Variants in TNFRSF8 observed in about 807,000 individuals in gnomAD.
The protein encoded by TNFRSF8 is TNF receptor superfamily member 8.
TNFRSF8 carries 26 observed loss-of-function variants against 70.8 expected under a neutral mutation model. The observed-to-expected ratio is 0.37, with a 90% CI of 0.27 to 0.51. TNFRSF8 has a LOEUF of 0.51. TNFRSF8 is among the 20% of genes least tolerant of loss of function. The pLI is 0.94. For missense variants in TNFRSF8, 720 were observed against 807.9 expected (o/e 0.89, Z 1.32); for synonymous variants, 356 against 339.2 (o/e 1.05, Z -0.54).
chr1:12,105,093 G>T (rs1641497112), intron 4 of TNFRSF8, among the ~76,000 whole-genome samples: 2 of 152,204 alleles, frequency 1.3e-5, no homozygotes, highest in South Asian at 4.1e-4. Flanking sequence ...ACCTGTCTGG[G>T]TGGAGTTGGG....
At chr1:12,104,665 C>T (rs1234328728) in intron 4 of TNFRSF8, 134 bp downstream of exon 4, 24 of 1,153,198 alleles carry the variant, frequency 2.1e-5, no homozygotes, top group South Asian at 7.3e-5. Context: ...TCTCCTTTGG[C>T]GATGGGCCAG....
chr1:12,084,607 A>G, intron 2 of TNFRSF8, 56 bp downstream of exon 2: 1 of 1,501,952 alleles, frequency 6.7e-7, no homozygotes, highest in Non-Finnish European at 9.2e-7. Flanking sequence ...TCAATTGATG[A>G]CCCTCTTGGG....
chr1:12,116,591 A>G (rs2101015533), intron 8 of TNFRSF8, among the ~76,000 whole-genome samples: 1 of 152,202 alleles, frequency 6.6e-6, no homozygotes, highest in East Asian at 1.9e-4. Flanking sequence ...ACTTGAGGTC[A>G]GGAGTTCAAG....
rs763071557 is a variant in TNFRSF8, at chr1:12,086,872, C to T, written c.151+2321C>T. 7.2e-4 allele frequency among the ~76,000 whole-genome samples: 110 copies of T among 151,960 alleles called. 2 individuals are homozygous for T. The highest frequency in any genetic ancestry group is 1.6e-4 in the Non-Finnish European group (11 of 67,982). On this transcript the variant is annotated intron_variant, in intron 2 of 14. Transcript: ENST00000263932. ...CCCCATCCTTATGACCTCATTTAACCTTAATTATCTCCTAAAAGTCCTATC... is the reference window on the plus strand; with the variant it reads ...CCCCATCCTTATGACCTCATTTAACTTTAATTATCTCCTAAAAGTCCTATC...
intron 13 of TNFRSF8, among the ~76,000 whole-genome samples, chr1:12,136,494 CA>C (rs1358855386): frequency 6.6e-6 from 1 of 151,938 alleles, no homozygotes; most frequent in Non-Finnish European, 1.5e-5. Flanking sequence ...ACTAAAACTA[CA>C]AAAAGTATCC....
At chr1:12,080,522 AC>A (rs1641046189) in intron 1 of TNFRSF8, 2 of 476,082 alleles carry the variant, frequency 4.2e-6, no homozygotes, top group South Asian at 3.2e-5. Context: ...TCTCCTGGGA[AC>A]GCTCTTTCGA....
Position 12,123,794 on chromosome 1 carries a change from C to A in TNFRSF8, c.1120C>A (p.Leu374Ile). ...LPIPTSAPVA[L>I]SSTGKPVLDA... is the part of the protein sequence containing the mutation. ...CATCCCAACCAGCGCTCCCGTCGCTCTCTCCTCCACGGGGAAGCCCGTTCT... is the reference window on the plus strand; with the variant it reads ...CATCCCAACCAGCGCTCCCGTCGCTATCTCCTCCACGGGGAAGCCCGTTCT... The change falls in exon 10 of 15, where the codon CTC becomes ATC. Residue 374 changes from leucine (L) to isoleucine (I), a missense_variant. Physicochemically the swap from Leu to Ile is conservative, Grantham distance 5 (BLOSUM62 2). Coordinates refer to ENST00000263932, the MANE Select transcript of TNFRSF8 (RefSeq NM_001243.5). 1 of 1,575,530 alleles carries A rather than the reference C, an allele frequency of 6.3e-7. No homozygotes were observed. Among genetic ancestry groups the A allele is most frequent in the Non-Finnish European group, 8.6e-7 (1 of 1,160,028 alleles).
rs749553825 is a variant in TNFRSF8, at chr1:12,126,173, G to A, written c.1256-10G>A. ...CGCCACCCCCAGCCTTCCTCCTGGT[G>A]TCGTTTCAGAGCTCCACCTGTGCTA... On this transcript the variant is annotated splice_polypyrimidine_tract_variant and intron_variant, in intron 11 of 14. Transcript: ENST00000263932. The A allele has an allele frequency of 1.9e-6, 3 of 1,614,130 alleles. No homozygotes were observed. Among genetic ancestry groups the A allele is most frequent in the South Asian group, 2.2e-5 (2 of 91,074 alleles).
Position 12,112,014 on chromosome 1 carries a change from G to A in TNFRSF8, c.793G>A (p.Asp265Asn), listed in dbSNP as rs756915626. 1.2e-6 allele frequency: 2 copies of A among 1,613,214 alleles called. No homozygotes were observed. Among genetic ancestry groups the A allele is most frequent in the Non-Finnish European group, 1.7e-6 (2 of 1,179,324 alleles). ...CACGGCCTGCGTGAGCTGTTCTCGAGGTAAGGGCCTCGTCCCTCCCCGGGC... is the reference window on the plus strand; with the variant it reads ...CACGGCCTGCGTGAGCTGTTCTCGAAGTAAGGGCCTCGTCCCTCCCCGGGC... ...RCTACVSCSR[D>N]DLVEKTPCAW... Residue 265 changes from aspartate (D) to asparagine (N), a missense_variant and splice_region_variant, in exon 7 of 15, where the codon GAT becomes AAT. Transcript: ENST00000263932. This position sits in a 1 kb window ranked among gnomAD's most constrained non-coding sequence, Gnocchi z 5.3.
rs548102737 is a variant in TNFRSF8, at chr1:12,126,041, G to A, written c.1244G>A (p.Arg415Gln). ...TGCCACCGGAGGGCCTGCAGGAAGC[G>A]AATTCGGCAGAGTAAGTGGCTGTGT... ...LLCHRRACRK[R>Q]IRQKLHLCYP... is the part of the protein sequence containing the mutation. The change falls in exon 11 of 15, where the codon CGA (arginine) becomes CAA (glutamine). Residue 415 changes from arginine (R) to glutamine (Q), a missense_variant. By Grantham distance (43) the Arg-to-Gln change is conservative. Transcript: ENST00000263932. 5.1e-5 allele frequency: 82 copies of A among 1,614,140 alleles called. 2 individuals carry two copies. The South Asian group carries it at 7.0e-4, about 14-fold the overall frequency.
rs1033439019 is a variant in TNFRSF8 at position 12,123,280 on chromosome 1, G to T, written c.947-4G>T. Reference sequence around the variant, plus strand: ...GGTTCTCAGATGTTACGTCCCCTCTGCAGATATGGCTGAGAAGGACACCAC... The same window carrying T: ...GGTTCTCAGATGTTACGTCCCCTCTTCAGATATGGCTGAGAAGGACACCAC... On this transcript the variant is annotated splice_region_variant and splice_polypyrimidine_tract_variant and intron_variant, in intron 8 of 14. Transcript: ENST00000263932. 3 of 1,610,480 alleles carry T rather than the reference G, an allele frequency of 1.9e-6. No homozygotes were observed. In the African/African-American group the frequency reaches 4.0e-5, roughly 22 times the overall value.
At chr1:12,067,744 A>G (rs1056796715) in intron 1 of TNFRSF8, among the ~76,000 whole-genome samples, 1 of 152,080 alleles carries the variant, frequency 6.6e-6, no homozygotes, top group Non-Finnish European at 1.5e-5. Flanking sequence ...CTAGCAATTT[A>G]ACTTTAAAAG....
chr1:12,125,134 G>A (rs949867009), intron 10 of TNFRSF8, among the ~76,000 whole-genome samples: 3 of 152,218 alleles, frequency 2.0e-5, no homozygotes, highest in Non-Finnish European at 4.4e-5. Flanking sequence ...ATTAACGTTT[G>A]AGAAGCACTT....
chr1:12,111,972 G>C lies in TNFRSF8; in HGVS notation c.751G>C (p.Asp251His). The C allele has an allele frequency of 1.2e-6, 2 of 1,614,234 alleles. No individual in the cohort carries two copies. Among genetic ancestry groups the C allele is most frequent in the Non-Finnish European group, 1.7e-6 (2 of 1,180,034 alleles). ...GCAGTGTGAGCCCGACTACTACCTG[G>C]ACGAGGCCGGCCGCTGCACGGCCTG... is the stretch of plus-strand genomic sequence containing the variant. The part of the protein sequence containing the change: ...RKQCEPDYYL[D>H]EAGRCTACVS... Residue 251 changes from aspartate (D) to histidine (H), a missense_variant, in exon 7 of 15, where the codon GAC becomes CAC. By Grantham distance (81) the Asp-to-His change is moderately conservative. Transcript: ENST00000263932.
Position 12,141,368 on chromosome 1 carries a change from C to T in TNFRSF8, c.1544-919C>T, listed in dbSNP as rs756679932. Among the ~76,000 whole-genome samples the T allele has an allele frequency of 9.8e-5, 15 of 152,292 alleles. No homozygotes were observed. Among genetic ancestry groups the T allele is most frequent in the Admixed American group, 3.3e-4 (5 of 15,298 alleles). ...CAGGCTTCCCCACTCCCCAGCTCCTCGGGCCACTGAACCTGAGCCCCCATG... is the reference window on the plus strand; with the variant it reads ...CAGGCTTCCCCACTCCCCAGCTCCTTGGGCCACTGAACCTGAGCCCCCATG... On this transcript the variant is annotated intron_variant, in intron 14 of 14. Transcript: ENST00000263932. This position sits in a 1 kb window ranked among gnomAD's most constrained non-coding sequence, Gnocchi z 5.4.
chr1:12,142,262 G>C lies in TNFRSF8; in HGVS notation c.1544-25G>C, dbSNP rs375850888. ...CCTGGCTGGTGCTCTGGCCTCCCTC[G>C]CTCACCCATCCTTTTGCCTTGCAGA... On this transcript the variant is annotated intron_variant, in intron 14 of 14. Transcript: ENST00000263932. The surrounding 1 kb of genome is among the most constrained non-coding windows in gnomAD (Gnocchi z 5.0). 6.4e-7 allele frequency: 1 copy of C among 1,551,808 alleles called. No homozygotes were observed. Among genetic ancestry groups the C allele is most frequent in the Middle Eastern group, 1.7e-4 (1 of 5,894 alleles).
intron 1 of TNFRSF8, among the ~76,000 whole-genome samples, chr1:12,070,360 C>T (rs1234699902): frequency 6.6e-6 from 1 of 152,112 alleles, no homozygotes; most frequent in East Asian, 1.9e-4. Context: ...AAGCCATTCT[C>T]TCGCCTTAGC....
chr1:12,094,500 C>T (rs549339086), intron 2 of TNFRSF8, among the ~76,000 whole-genome samples: 1 of 151,998 alleles, frequency 6.6e-6, no homozygotes, highest in Admixed American at 6.6e-5. Flanking sequence ...ATCCTGGGAG[C>T]CATGAGAAGC....
At chr1:12,111,479 G>T (rs1033965939) in intron 6 of TNFRSF8, among the ~76,000 whole-genome samples, 1 of 152,150 alleles carries the variant, frequency 6.6e-6, no homozygotes, top group African/African-American at 2.4e-5. Flanking sequence ...ACCGCGCCCG[G>T]CCCACACCAG....
Sources: gnomAD v4.1 joint callset for allele counts (sites outside exome capture counted in the v4.1 genomes callset) on GRCh38, gnomAD v4.1.1 for gene constraint, Gnocchi (gnomAD v3.1) non-coding constraint, MANE v1.5 for transcripts, NCBI Gene and HGNC (gene_info 2026-07-23, HGNC 2026-07-21) for gene names.